Variants in CFAP299 observed in about 807,000 individuals in gnomAD.
CFAP299 encodes the protein cilia and flagella associated protein 299, also known as cilia- and flagella-associated protein 299.
Under a neutral mutation model 27.0 loss-of-function variants are expected in CFAP299, and 21 were observed. The observed-to-expected ratio is 0.78, with a 90% CI of 0.55 to 1.12. CFAP299 has a LOEUF of 1.12. Ranked by LOEUF, CFAP299 falls within the 50% of genes most tolerant of loss-of-function variation. The probability of loss-of-function intolerance (pLI) is 0.00; values close to 1 mark genes in which losing one functional copy is unlikely to be tolerated. For missense variants in CFAP299, 310 were observed against 276.6 expected (o/e 1.12, Z -0.86); for synonymous variants, 104 against 98.1 (o/e 1.06, Z -0.36).
chr4:80,465,410 G>C (rs1014036876), intron 2 of CFAP299, among the ~76,000 whole-genome samples: 1 of 152,134 alleles, frequency 6.6e-6, no homozygotes, highest in South Asian at 2.1e-4. Flanking sequence ...AGAAGGGCAG[G>C]GTTTGTCACC....
intron 3 of CFAP299, among the ~76,000 whole-genome samples, chr4:80,757,917 G>A (rs1390420166): frequency 2.0e-5 from 3 of 152,142 alleles, no homozygotes; most frequent in Admixed American, 1.3e-4. Context: ...TTGCGGGAGG[G>A]GGAGCATGGG....
chr4:80,866,025 A>C (rs1452915293), intron 3 of CFAP299, among the ~76,000 whole-genome samples: 1 of 135,610 alleles, frequency 7.4e-6, no homozygotes, highest in African/African-American at 2.6e-5. Context: ...ATATGTAACT[A>C]ACCTGCACCT....
At chr4:80,583,317 AT>A (rs1200959626) in intron 3 of CFAP299, 134 bp downstream of exon 3, 2 of 455,482 alleles carry the variant, frequency 4.4e-6, no homozygotes, top group Non-Finnish European at 7.6e-6. Flanking sequence ...TTAATTATAT[AT>A]TATAGGAATA....
intron 2 of CFAP299, among the ~76,000 whole-genome samples, chr4:80,378,343 A>C (rs1402188130): frequency 6.6e-6 from 1 of 152,176 alleles, no homozygotes; most frequent in Non-Finnish European, 1.5e-5. Context: ...TTTTGTATGC[A>C]GAAGATCATA....
chr4:80,770,329 G>A (rs1726138665), intron 3 of CFAP299, among the ~76,000 whole-genome samples: 1 of 152,102 alleles, frequency 6.6e-6, no homozygotes, highest in Non-Finnish European at 1.5e-5. Flanking sequence ...CTAATCTCTT[G>A]AAATAGCCTA....
intron 2 of CFAP299, among the ~76,000 whole-genome samples, chr4:80,538,690 G>A (rs748685112): frequency 4.6e-5 from 7 of 152,144 alleles, no homozygotes; most frequent in Admixed American, 2.6e-4. Flanking sequence ...GAGGTTTGTC[G>A]CCTAGGAGAA....
In CFAP299 at chr4:80,745,439, G is replaced by T. The variant is rs113800879; in HGVS notation, c.334-124554G>T. Among the ~76,000 whole-genome samples, 617 of 152,158 alleles carry T rather than the reference G, an allele frequency of 4.1e-3. 2 individuals carry two copies. Among genetic ancestry groups the T allele is most frequent in the African/African-American group, 0.014 (574 of 41,552 alleles). On this transcript the variant is annotated intron_variant, in intron 3 of 5. Coordinates refer to ENST00000358105, the MANE Select transcript of CFAP299 (RefSeq NM_152770.3). ...TATGATGCTCCAAATAAAATTGCATGCATTTCAGCTAAGTCTTTACCAAAA... is the reference window on the plus strand; with the variant it reads ...TATGATGCTCCAAATAAAATTGCATTCATTTCAGCTAAGTCTTTACCAAAA...
At chr4:80,449,660 GAAT>G (rs1728804902) in intron 2 of CFAP299, among the ~76,000 whole-genome samples, 1 of 151,360 alleles carries the variant, frequency 6.6e-6, no homozygotes, top group Non-Finnish European at 1.5e-5. Context: ...GAATTATAAT[GAAT>G]AATTTATTAA....
rs564600621 is a variant in CFAP299, at chr4:80,525,380, G to T, written c.243-57713G>T. Among the ~76,000 whole-genome samples the T allele has an allele frequency of 3.9e-5, 6 of 152,176 alleles. No individual in the cohort carries two copies. The East Asian group carries it at 1.2e-3, about 29-fold the overall frequency. ...TATTTATCCATATCCATCAGCTTCT[G>T]TCTGTTACCTCCTCAACCTTTATTA... On this transcript the variant is annotated intron_variant, in intron 2 of 5. Transcript: ENST00000358105.
the CFAP299 span, among the ~76,000 whole-genome samples, chr4:80,329,011 A>G: frequency 6.6e-6 from 1 of 152,138 alleles, no homozygotes; most frequent in Admixed American, 6.5e-5. Flanking sequence ...TGTGCAGCCC[A>G]GGACGGCTTT....
chr4:80,322,183 A>G, the CFAP299 span, among the ~76,000 whole-genome samples: 1 of 152,230 alleles, frequency 6.6e-6, no homozygotes, highest in Non-Finnish European at 1.5e-5. Flanking sequence ...CTTTTGCAAT[A>G]AAAGGTTCCC....
At chr4:80,424,658 T>G (rs1406983833) in intron 2 of CFAP299, among the ~76,000 whole-genome samples, 2 of 152,156 alleles carry the variant, frequency 1.3e-5, no homozygotes, top group Non-Finnish European at 2.9e-5. Context: ...GATAGGAAAT[T>G]AACCAAGAAC....
chr4:80,688,443 ACAGCC>A (rs1560699196), intron 3 of CFAP299, among the ~76,000 whole-genome samples: 1 of 152,016 alleles, frequency 6.6e-6, no homozygotes, highest in East Asian at 1.9e-4. Flanking sequence ...GACACCTCAC[ACAGCC>A]GGCCGGGTAC....
At chr4:80,703,983 G>A (rs571829074) in intron 3 of CFAP299, among the ~76,000 whole-genome samples, 3 of 151,734 alleles carry the variant, frequency 2.0e-5, no homozygotes, top group Admixed American at 6.6e-5. Context: ...GAAGCCTTAG[G>A]GATGATTTTC....
rs541197973 is a variant in CFAP299, at chr4:80,498,153, A to G, written c.243-84940A>G. Among the ~76,000 whole-genome samples the G allele has an allele frequency of 3.3e-5, 5 of 152,324 alleles. No homozygotes were observed. In the East Asian group the frequency reaches 5.8e-4, roughly 18 times the overall value. ...AAACTATAAAAAAACACTGGAAAGA[A>G]ACAGAGGAATTACCATTCTGGACAT... On this transcript the variant is annotated intron_variant, in intron 2 of 5. Transcript: ENST00000358105.
chr4:80,878,600 A>G (rs1486977257), intron 4 of CFAP299, among the ~76,000 whole-genome samples: 2 of 152,110 alleles, frequency 1.3e-5, no homozygotes, highest in South Asian at 4.1e-4. Context: ...TTGTGTATTT[A>G]TGTAAGCCTA....
chr4:80,577,343 C>T (rs1429394443), intron 2 of CFAP299, among the ~76,000 whole-genome samples: 1 of 147,168 alleles, frequency 6.8e-6, no homozygotes, highest in Non-Finnish European at 1.5e-5. Context: ...TGTTAGAATA[C>T]ATTTAATCCC....
chr4:80,504,505 A>ATTTT (rs1553929244), intron 2 of CFAP299, among the ~76,000 whole-genome samples: 25 of 110,180 alleles, frequency 2.3e-4, no homozygotes, highest in Non-Finnish European at 3.0e-4. Context: ...ATATATATAT[A>ATTTT]TTTTCCTTTG....
chr4:80,728,883 C>T (rs980275593), intron 3 of CFAP299, among the ~76,000 whole-genome samples: 1 of 152,148 alleles, frequency 6.6e-6, no homozygotes, highest in Non-Finnish European at 1.5e-5. Flanking sequence ...GTGTGTCTAC[C>T]TTTCTAATAT....
Sources: gnomAD v4.1 joint callset for allele counts (sites outside exome capture counted in the v4.1 genomes callset) on GRCh38, gnomAD v4.1.1 for gene constraint, MANE v1.5 for transcripts, NCBI Gene and HGNC (gene_info 2026-07-23, HGNC 2026-07-21) for gene names.